The following FER variants were observed in gnomAD, a reference collection of about 807,000 sequenced individuals.
The protein encoded by FER is tyrosine-protein kinase Fer.
Under a neutral mutation model 111.0 loss-of-function variants are expected in FER, and 63 were observed. That is an observed-to-expected ratio of 0.57 (90% CI 0.46 to 0.70). The LOEUF (loss-of-function observed/expected upper bound fraction) is 0.70. FER is among the 30% of genes least tolerant of loss of function. The pLI, the probability that FER is intolerant of heterozygous loss-of-function variation, is 0.00. For synonymous variants in FER, 327 were observed against 313.9 expected, an observed-to-expected ratio of 1.04 and a Z score of -0.44; for missense variants, 914 against 954.0, an observed-to-expected ratio of 0.96 and a Z score of 0.55.
intron 9 of FER, among the ~76,000 whole-genome samples, chr5:108,897,038 C>G (rs1445029623): frequency 1.3e-5 from 2 of 152,120 alleles, no homozygotes. Flanking sequence ...AGTAAGACAA[C>G]CTGTGGCCCT....
chr5:109,048,924 C>T (rs551430078), intron 16 of FER, among the ~76,000 whole-genome samples: 42 of 151,990 alleles, frequency 2.8e-4, no homozygotes, highest in African/African-American at 9.6e-4. Context: ...GTAATGGCTA[C>T]AGAATATTCC....
At chr5:108,887,315 T>C (rs1747326454) in intron 9 of FER, among the ~76,000 whole-genome samples, 1 of 151,658 alleles carries the variant, frequency 6.6e-6, no homozygotes, top group Non-Finnish European at 1.5e-5. Flanking sequence ...TCCATGTCTC[T>C]AAAATATCTA....
At chr5:109,039,235 C>A (rs1770815019) in intron 14 of FER, among the ~76,000 whole-genome samples, 1 of 151,178 alleles carries the variant, frequency 6.6e-6, no homozygotes, top group Admixed American at 6.6e-5. Context: ...GTATTCAGCA[C>A]TATATTTTTA....
In FER at chr5:109,162,425, A is replaced by T. The variant is rs545840108; in HGVS notation, c.2049-18322A>T. Among the ~76,000 whole-genome samples, 25 of 152,236 alleles carry T rather than the reference A, an allele frequency of 1.6e-4. No homozygotes were observed. In the South Asian group the frequency reaches 2.1e-3, roughly 13 times the overall value. On this transcript the variant is annotated intron_variant, in intron 17 of 19. Transcript: ENST00000281092. Reference sequence around the variant, plus strand: ...ACTGTGTTACCAAAAATAAAGGCCAAAATGAAAAGCTAAGTGCCATCTAGA... The same window carrying T: ...ACTGTGTTACCAAAAATAAAGGCCATAATGAAAAGCTAAGTGCCATCTAGA...
At chr5:108,835,263 C>T (rs1760529725) in intron 4 of FER, among the ~76,000 whole-genome samples, 2 of 129,260 alleles carry the variant, frequency 1.5e-5, no homozygotes, top group Admixed American at 1.7e-4. Context: ...CTCATTGCAA[C>T]CTCTGCCTCC....
chr5:108,770,570 C>T (rs1341147018), intron 2 of FER, among the ~76,000 whole-genome samples: 1 of 151,604 alleles, frequency 6.6e-6, no homozygotes, highest in Non-Finnish European at 1.5e-5. Flanking sequence ...GAGACGGAGA[C>T]AGAGTTTTGT....
At chr5:109,076,504 A>G (rs556580352) in intron 16 of FER, among the ~76,000 whole-genome samples, 1 of 152,240 alleles carries the variant, frequency 6.6e-6, no homozygotes, top group Non-Finnish European at 1.5e-5. Context: ...ATCATGGCAC[A>G]CTGCAACCTC....
chr5:108,887,481 T>C (rs1390777101), intron 9 of FER, among the ~76,000 whole-genome samples: 1 of 151,626 alleles, frequency 6.6e-6, no homozygotes, highest in Non-Finnish European at 1.5e-5. Flanking sequence ...ATATAAGTAA[T>C]GCAGGTCTTA....
At chr5:108,947,985 G>T (rs1451639403) in intron 11 of FER, among the ~76,000 whole-genome samples, 1 of 151,918 alleles carries the variant, frequency 6.6e-6, no homozygotes, top group Admixed American at 6.6e-5. Flanking sequence ...GCCCCGCTAA[G>T]AGTTCAAATT....
intron 13 of FER, among the ~76,000 whole-genome samples, chr5:109,000,403 T>C (rs566999732): frequency 6.6e-6 from 1 of 151,926 alleles, no homozygotes; most frequent in Non-Finnish European, 1.5e-5. Flanking sequence ...AACAAATGGA[T>C]AGAAAACATA....
At chr5:109,094,991 A>C (rs923293651) in intron 16 of FER, among the ~76,000 whole-genome samples, 16 of 152,254 alleles carry the variant, frequency 1.1e-4, no homozygotes, top group African/African-American at 3.6e-4. Flanking sequence ...TGAACAAGCA[A>C]CTTAAAAATA....
intron 13 of FER, among the ~76,000 whole-genome samples, chr5:108,983,279 GA>G (rs1158298376): frequency 6.6e-6 from 1 of 151,994 alleles, no homozygotes; most frequent in Non-Finnish European, 1.5e-5. Context: ...TAGCATCTCT[GA>G]CTAAGATTTA....
intron 13 of FER, among the ~76,000 whole-genome samples, chr5:108,991,110 A>G (rs572474858): frequency 6.6e-6 from 1 of 151,776 alleles, no homozygotes; most frequent in South Asian, 2.1e-4. Flanking sequence ...TTGTAATAAG[A>G]CAGAAAATAA....
chr5:109,083,940 C>A (rs1374012305), intron 16 of FER, among the ~76,000 whole-genome samples: 1 of 151,978 alleles, frequency 6.6e-6, no homozygotes, highest in African/African-American at 2.4e-5. Context: ...CTTCTGCCAG[C>A]ATCCATGAAA....
At chr5:108,793,935 C>T (rs1755692629) in intron 2 of FER, among the ~76,000 whole-genome samples, 1 of 152,076 alleles carries the variant, frequency 6.6e-6, no homozygotes, top group African/African-American at 2.4e-5. Context: ...TTAACTTTGA[C>T]CCCTCTCCGC....
intron 11 of FER, among the ~76,000 whole-genome samples, chr5:108,953,505 T>A (rs1021129821): frequency 1.3e-5 from 2 of 152,038 alleles, no homozygotes; most frequent in Admixed American, 1.3e-4. Context: ...TTTGGGACTT[T>A]TCAAGTTTTT....
chr5:108,883,185 C>T (rs1355469404), intron 8 of FER, among the ~76,000 whole-genome samples: 2 of 151,918 alleles, frequency 1.3e-5, no homozygotes, highest in Non-Finnish European at 2.9e-5. Context: ...TTTTTTCCAC[C>T]ATCCAGTAAG....
At chr5:108,838,497 T>C (rs759126652) in intron 5 of FER, among the ~76,000 whole-genome samples, 14 of 152,132 alleles carry the variant, frequency 9.2e-5, no homozygotes, top group Non-Finnish European at 2.9e-5. Flanking sequence ...GATCAAGAAA[T>C]GGGTTTGGAC....
intron 9 of FER, chr5:108,891,338 A>T (rs1004285948): frequency 6.6e-6 from 1 of 152,046 alleles, no homozygotes; most frequent in Non-Finnish European, 1.5e-5. Flanking sequence ...TGTCATTTGT[A>T]AATAGTTTTC....
Sources: allele counts gnomAD v4.1 joint callset (sites outside exome capture counted in the v4.1 genomes callset), GRCh38; gene constraint gnomAD v4.1.1; transcripts MANE v1.5; gene names NCBI Gene and HGNC (gene_info 2026-07-23, HGNC 2026-07-21).